The following COL28A1 variants were observed in gnomAD, a reference collection of about 807,000 sequenced individuals.
The protein encoded by COL28A1 is collagen alpha-1(XXVIII) chain.
COL28A1 carries 161 observed loss-of-function variants against 150.2 expected under a neutral mutation model. That is an observed-to-expected ratio of 1.07 (90% CI 0.94 to 1.22). The LOEUF is 1.22. Among genes scored for constraint, COL28A1 ranks in the 50% most tolerant of loss-of-function variants. The pLI is 0.00. For synonymous variants in COL28A1, 552 were observed against 469.7 expected (o/e 1.18, Z -2.26); for missense variants, 1,617 against 1,388.3 (o/e 1.16, Z -2.62).
In COL28A1 at chr7:7,516,920, A is replaced by G. The variant is rs542680045; in HGVS notation, c.855+876T>C. 1.7e-3 allele frequency among the ~76,000 whole-genome samples: 256 copies of G among 152,248 alleles called. 2 individuals are homozygous for G. The highest frequency in any genetic ancestry group is 5.8e-3 in the African/African-American group (243 of 41,558). On this transcript the variant is annotated intron_variant, in intron 7 of 34. Transcript: ENST00000399429. ...GACTTTTTTTACAAAAGGAAACTTCATGAAGGAAATAAAACTTCCAAATGT... is the reference window on the plus strand; with the variant it reads ...GACTTTTTTTACAAAAGGAAACTTCGTGAAGGAAATAAAACTTCCAAATGT...
intron 13 of COL28A1, among the ~76,000 whole-genome samples, chr7:7,485,267 G>C (rs1221920962): frequency 6.6e-6 from 1 of 152,064 alleles, no homozygotes; most frequent in Non-Finnish European, 1.5e-5. Context: ...ATATATGCTT[G>C]AGATATGTAT....
the COL28A1 span, among the ~76,000 whole-genome samples, chr7:7,348,115 A>G: frequency 1.3e-5 from 2 of 152,106 alleles, no homozygotes; most frequent in African/African-American, 4.8e-5. Flanking sequence ...TCAGTGAGTT[A>G]TAGAAAGGGG....
At chr7:7,350,623 G>T in the COL28A1 span, among the ~76,000 whole-genome samples, 1 of 149,510 alleles carries the variant, frequency 6.7e-6, no homozygotes, top group East Asian at 2.0e-4. Flanking sequence ...TCATTTTCCA[G>T]CAGGGAGATG....
Position 7,415,026 on chromosome 7 carries a change from T to C in COL28A1, c.2136+2833A>G, listed in dbSNP as rs148380206. ...GACATAGGTGATGCTCAATCCGTAT[T>C]GGTTGGTCAGCTGAATGAATGAATG... On this transcript the variant is annotated intron_variant, in intron 27 of 34. Transcript: ENST00000399429. Among the ~76,000 whole-genome samples, 130 of 152,336 alleles carry C rather than the reference T, an allele frequency of 8.5e-4. 1 individual carries two copies. Among genetic ancestry groups the C allele is most frequent in the Middle Eastern group, 3.4e-3 (1 of 294 alleles).
At chr7:7,386,930 G>T (rs1387690801) in intron 27 of COL28A1, among the ~76,000 whole-genome samples, 1 of 152,188 alleles carries the variant, frequency 6.6e-6, no homozygotes, top group Non-Finnish European at 1.5e-5. Context: ...AGTGTCTGGT[G>T]AGGGTCCATT....
intron 27 of COL28A1, among the ~76,000 whole-genome samples, chr7:7,408,541 A>G (rs1783613608): frequency 6.6e-6 from 1 of 152,200 alleles, no homozygotes; most frequent in Non-Finnish European, 1.5e-5. Flanking sequence ...ACAAAAATAC[A>G]TGTCCTTCAA....
At chr7:7,352,651 T>G (rs1305886410), downstream of COL28A1, among the ~76,000 whole-genome samples, 4 of 152,142 alleles carry the variant, frequency 2.6e-5, no homozygotes, top group African/African-American at 9.7e-5. Flanking sequence ...AGGAAATGAA[T>G]TATCCCTCAG....
chr7:7,370,858 TG>T lies in COL28A1; in HGVS notation c.2932del (p.Gln978LysfsTer46). The T allele has an allele frequency of 6.2e-7, 1 of 1,612,426 alleles. No homozygotes were observed. The highest frequency in any genetic ancestry group is 8.5e-7 in the Non-Finnish European group (1 of 1,179,140). The part of the protein sequence containing the change: ...LQDTLKQKLF[Q>X]KICEDFDSYL... ...GGAATCAAAATCCTCACAAATTTTT[TG>T]AAACAATTTTTGCTTCAGGGTGTCT... On this transcript the variant is annotated frameshift_variant, in exon 33 of 35. Coordinates refer to ENST00000399429, the MANE Select transcript of COL28A1 (RefSeq NM_001037763.3). LOFTEE classifies it high-confidence loss of function.
At position 7,360,511 on chromosome 7, in the gene COL28A1, G is replaced by C; in HGVS notation, c.3084C>G (p.Asp1028Glu). 6.2e-7 allele frequency: 1 copy of C among 1,602,902 alleles called. No individual in the cohort carries two copies. The highest frequency in any genetic ancestry group is 8.5e-7 in the Non-Finnish European group (1 of 1,176,816). The change falls in exon 34 of 35, where the codon GAC becomes GAG. Residue 1028 changes from aspartate to glutamate, a missense_variant. Physicochemically the swap from Asp to Glu is conservative, Grantham distance 45. Coordinates refer to ENST00000399429, the MANE Select transcript of COL28A1 (RefSeq NM_001037763.3). ...CTGGAGCCTTATCATCTTCATCCTGGTCTCTGGTGACACTCAACTACACAA... is the reference window on the plus strand; with the variant it reads ...CTGGAGCCTTATCATCTTCATCCTGCTCTCTGGTGACACTCAACTACACAA... ...EISESLSVTR[D>E]QDEDDKAPEP...
At chr7:7,539,684 G>A (rs1782752315), upstream of COL28A1, among the ~76,000 whole-genome samples, 1 of 152,176 alleles carries the variant, frequency 6.6e-6, no homozygotes, top group South Asian at 2.1e-4. Flanking sequence ...ATGTGGAACA[G>A]CGTGACTTCA....
intron 13 of COL28A1, among the ~76,000 whole-genome samples, chr7:7,480,624 A>C (rs1045543395): frequency 1.6e-4 from 25 of 152,230 alleles, no homozygotes; most frequent in Admixed American, 1.6e-3. Flanking sequence ...ATGAAAAAAA[A>C]CACAATTTAT....
At chr7:7,468,431 A>G (rs1259067823) in intron 15 of COL28A1, among the ~76,000 whole-genome samples, 1 of 89,882 alleles carries the variant, frequency 1.1e-5, no homozygotes, top group Non-Finnish European at 2.1e-5. Context: ...CTCTGAATAG[A>G]CCAATAACAG....
intron 13 of COL28A1, among the ~76,000 whole-genome samples, chr7:7,478,738 G>T (rs1274949649): frequency 1.3e-5 from 2 of 152,230 alleles, no homozygotes; most frequent in African/African-American, 4.8e-5. Context: ...CTGCCGGTGG[G>T]CCAGCACTGC....
At chr7:7,510,685 T>C (rs1187777498) in intron 9 of COL28A1, among the ~76,000 whole-genome samples, 2 of 152,238 alleles carry the variant, frequency 1.3e-5, no homozygotes, top group Non-Finnish European at 2.9e-5. Context: ...ACACTGTTTA[T>C]AACTATTTCA....
rs577319438 is a variant in COL28A1 at position 7,455,294 on chromosome 7, T to C, written c.1371+750A>G. 3.3e-5 allele frequency among the ~76,000 whole-genome samples: 5 copies of C among 152,320 alleles called. No homozygotes were observed. In the South Asian group the frequency reaches 1.0e-3, roughly 32 times the overall value. The stretch of plus-strand genomic sequence containing the variant: ...GCTTTGATTAATAAGGCTGCGTAAG[T>C]ATATGGCAAACAACAAAGTATATGG... On this transcript the variant is annotated intron_variant, in intron 16 of 34. Coordinates refer to ENST00000399429, the MANE Select transcript of COL28A1 (RefSeq NM_001037763.3).
rs190039631 is a variant in COL28A1 at position 7,460,528 on chromosome 7, C to A, written c.1303-4416G>T. Among the ~76,000 whole-genome samples, 709 of 152,166 alleles carry A rather than the reference C, an allele frequency of 4.7e-3. 5 individuals are homozygous for A. Among genetic ancestry groups the A allele is most frequent in the East Asian group, 0.022 (115 of 5,164 alleles). On this transcript the variant is annotated intron_variant, in intron 15 of 34. Coordinates refer to ENST00000399429, the MANE Select transcript of COL28A1 (RefSeq NM_001037763.3). ...CCTCCCGAGTAGCTGGGACTACAGGCGCCTGCCACCACGCCCGGCTAATTT... is the reference window on the plus strand; with the variant it reads ...CCTCCCGAGTAGCTGGGACTACAGGAGCCTGCCACCACGCCCGGCTAATTT...
chr7:7,367,239 TG>T (rs1275539956), intron 33 of COL28A1, among the ~76,000 whole-genome samples: 1 of 152,242 alleles, frequency 6.6e-6, no homozygotes, highest in East Asian at 1.9e-4. Flanking sequence ...TCTAGATTTG[TG>T]TGAGTACACT....
chr7:7,433,462 C>T (rs1478728720), intron 23 of COL28A1, among the ~76,000 whole-genome samples: 2 of 151,814 alleles, frequency 1.3e-5, no homozygotes, highest in Admixed American at 6.6e-5. Flanking sequence ...GGTGAAACCC[C>T]GTCTCTACTA....
In COL28A1 at chr7:7,508,397, C is replaced by A. The variant is rs562632157; in HGVS notation, c.928-1236G>T. ...ATAAATCTCTGCCCAACTTCTGATT[C>A]ACTCCTAAGAATAGTCTACTAGAAG... On this transcript the variant is annotated intron_variant, in intron 9 of 34. Transcript: ENST00000399429. 2.0e-5 allele frequency among the ~76,000 whole-genome samples: 3 copies of A among 152,282 alleles called. No individual in the cohort carries two copies. In the South Asian group the frequency reaches 6.2e-4, roughly 32 times the overall value.
Sources: gnomAD v4.1 joint callset for allele counts (sites outside exome capture counted in the v4.1 genomes callset) on GRCh38, gnomAD v4.1.1 for gene constraint, MANE v1.5 for transcripts, NCBI Gene and HGNC (gene_info 2026-07-23, HGNC 2026-07-21) for gene names.